NIBAN1: variants seen among roughly 807,000 people sequenced by gnomAD.
NIBAN1 encodes protein Niban 1.
Under a neutral mutation model 75.1 loss-of-function variants are expected in NIBAN1, and 81 were observed. The observed-to-expected ratio is 1.08, with a 90% CI of 0.90 to 1.30. The LOEUF (loss-of-function observed/expected upper bound fraction) is 1.30, where lower values mean the gene tolerates loss of function less well. NIBAN1 is among the 50% of genes most tolerant of loss of function. NIBAN1 has a pLI of 0.00. For missense variants in NIBAN1, 1,133 were observed against 1,128.1 expected, an observed-to-expected ratio of 1.00 and a Z score of -0.06; for synonymous variants, 436 against 424.8, an observed-to-expected ratio of 1.03 and a Z score of -0.32.
chr1:184,954,259 G>A (rs563252585), intron 1 of NIBAN1, among the ~76,000 whole-genome samples: 2 of 152,244 alleles, frequency 1.3e-5, no homozygotes, highest in East Asian at 1.9e-4. Flanking sequence ...TGGAAGCCAA[G>A]AACAGAAAAT....
rs925852510 is a variant in NIBAN1, at chr1:184,794,026, T to C, written c.*951A>G. The C allele has an allele frequency of 6.6e-6, 1 of 152,234 alleles. No individual in the cohort carries two copies. The highest frequency in any genetic ancestry group is 1.9e-4 in the East Asian group (1 of 5,202). The allele number at this position is 152,234 out of a possible 1,614,324, so 9.4% of individuals were successfully genotyped here. On this transcript the variant is annotated 3_prime_UTR_variant, in exon 14 of 14. Transcript: ENST00000367511. ...AGAGAAAAAAAAAAGCTGTCATAGT[T>C]TAAAAATTGGCATATGTTCTCTTCC...
Position 184,818,996 on chromosome 1 carries a change from A to G in NIBAN1, c.986-171T>C, listed in dbSNP as rs539230865. 1.8e-3 allele frequency among the ~76,000 whole-genome samples: 269 copies of G among 152,296 alleles called. 3 individuals are homozygous for G. The highest frequency in any genetic ancestry group is 6.0e-3 in the African/African-American group (251 of 41,570). ...AGCCTGGTGCCCATGGTCACAAGAA[A>G]GGAAAACCACTGGACCCTTTCAGAA... is the stretch of plus-strand genomic sequence containing the variant. On this transcript the variant is annotated intron_variant, in intron 8 of 13. Transcript: ENST00000367511.
At chr1:184,916,697 G>C (rs1657393655) in intron 1 of NIBAN1, among the ~76,000 whole-genome samples, 1 of 151,872 alleles carries the variant, frequency 6.6e-6, no homozygotes, top group Non-Finnish European at 1.5e-5. Flanking sequence ...TTTATAATAA[G>C]ACAAAAATAA....
chr1:184,845,915 C>T lies in NIBAN1; in HGVS notation c.602-13953G>A, dbSNP rs1655430152. The stretch of plus-strand genomic sequence containing the variant: ...CCACCCGAATATTGCGCTTTTCAGA[C>T]CAGCTTAAGAAACGGCGCACCACGA... On this transcript the variant is annotated intron_variant, in intron 5 of 13. Coordinates refer to ENST00000367511, the MANE Select transcript of NIBAN1 (RefSeq NM_052966.4). Among the ~76,000 whole-genome samples, 2 of 82,084 alleles carry T rather than the reference C, an allele frequency of 2.4e-5. 1 individual carries two copies. Among genetic ancestry groups the T allele is most frequent in the African/African-American group, 1.2e-4 (2 of 16,860 alleles). The allele number at this position is 82,084 out of a possible 152,430, so 53.9% of individuals were successfully genotyped here.
chr1:184,867,757 G>T, intron 5 of NIBAN1: 1 of 574,822 alleles, frequency 1.7e-6, no homozygotes, highest in Non-Finnish European at 2.2e-6. Flanking sequence ...TGTTAACTGA[G>T]TGGGATAGCC....
At chr1:184,921,528 A>G (rs1427448736) in intron 1 of NIBAN1, among the ~76,000 whole-genome samples, 1 of 152,216 alleles carries the variant, frequency 6.6e-6, no homozygotes, top group Admixed American at 6.5e-5. Context: ...GTCTTTACAA[A>G]GGGCTGTGCT....
At chr1:184,816,478 C>A (rs111731279) in intron 9 of NIBAN1, among the ~76,000 whole-genome samples, 2 of 152,256 alleles carry the variant, frequency 1.3e-5, no homozygotes, top group African/African-American at 4.8e-5. Flanking sequence ...GAAAACCTGG[C>A]CCAAGAGGGG....
In NIBAN1 at chr1:184,791,772, A is replaced by G. The variant is rs1422672147; in HGVS notation, c.*3205T>C. On this transcript the variant is annotated 3_prime_UTR_variant, in exon 14 of 14. Coordinates refer to ENST00000367511, the MANE Select transcript of NIBAN1 (RefSeq NM_052966.4). ...AAAAATGCTGTTCATTTAGATCAGAATAACCTCGCTCCAATCTGGAAACCA... is the reference window on the plus strand; with the variant it reads ...AAAAATGCTGTTCATTTAGATCAGAGTAACCTCGCTCCAATCTGGAAACCA... The G allele has an allele frequency of 1.3e-5, 2 of 152,222 alleles. No individual in the cohort carries two copies. Among genetic ancestry groups the G allele is most frequent in the Non-Finnish European group, 2.9e-5 (2 of 68,052 alleles). 9.4% of individuals were successfully genotyped at this position (152,222 alleles called of 1,614,324 possible).
At chr1:184,821,030 C>G (rs992862815) in intron 8 of NIBAN1, among the ~76,000 whole-genome samples, 2 of 152,166 alleles carry the variant, frequency 1.3e-5, no homozygotes, top group African/African-American at 4.8e-5. Flanking sequence ...GATCTATGCT[C>G]ACATTGGGAA....
chr1:184,926,468 C>T (rs960592441), intron 1 of NIBAN1, among the ~76,000 whole-genome samples: 2 of 152,282 alleles, frequency 1.3e-5, no homozygotes, highest in Non-Finnish European at 1.5e-5. Flanking sequence ...GAACTCCTGA[C>T]CTCAAGTGAT....
intron 9 of NIBAN1, among the ~76,000 whole-genome samples, chr1:184,818,129 T>A (rs961634401): frequency 1.3e-5 from 2 of 152,228 alleles, no homozygotes; most frequent in Admixed American, 1.3e-4. Context: ...TTAATTTGGC[T>A]GAAGTTTTTT....
intron 9 of NIBAN1, among the ~76,000 whole-genome samples, chr1:184,811,601 T>G (rs1256309690): frequency 6.8e-6 from 1 of 147,568 alleles, no homozygotes; most frequent in Non-Finnish European, 1.5e-5. Flanking sequence ...CCTCCTGGGT[T>G]CATGCCATTC....
At position 184,795,999 on chromosome 1, in the gene NIBAN1, G is replaced by A. The variant is rs746135442; in HGVS notation, c.1765C>T (p.Pro589Ser). The A allele has an allele frequency of 2.5e-6, 4 of 1,613,504 alleles. No homozygotes were observed. The highest frequency in any genetic ancestry group is 2.2e-5 in the South Asian group (2 of 91,076). ...GGGCTGGCCTGGTTTGACCCTGTGG[G>A]GGGCTTTAGATCTGTTAAGCTGGAC... ...SVSSLTDLKP[P>S]TGSNQASPAR... is the part of the protein sequence containing the mutation. The change falls in exon 14 of 14, where the codon CCC (proline) becomes TCC (serine). Residue 589 changes from proline to serine, a missense_variant. By Grantham distance (74) the Pro-to-Ser change is moderately conservative. Transcript: ENST00000367511.
chr1:184,798,059 C>A lies in NIBAN1; in HGVS notation c.1666+20G>T. ...TCCCCTCTATGGAGTGTCCCTGCAG[C>A]ACCAGGTAACCTTTCTTACCTTTCA... On this transcript the variant is annotated intron_variant, in intron 13 of 13. Transcript: ENST00000367511. 6.5e-7 allele frequency: 1 copy of A among 1,532,212 alleles called. No homozygotes were observed. 94.9% of individuals were successfully genotyped at this position (1,532,212 alleles called of 1,614,324 possible). A position where few individuals can be genotyped will look rare whatever the true frequency, so the allele number is the denominator to read the frequency against.
chr1:184,877,641 T>C (rs1325514906), intron 5 of NIBAN1, among the ~76,000 whole-genome samples: 1 of 152,220 alleles, frequency 6.6e-6, no homozygotes, highest in African/African-American at 2.4e-5. Context: ...AGGATATTTA[T>C]ATTTAAAAGA....
chr1:184,867,036 G>A (rs1655974561), intron 5 of NIBAN1, among the ~76,000 whole-genome samples: 2 of 152,060 alleles, frequency 1.3e-5, no homozygotes, highest in South Asian at 2.1e-4. Context: ...TAAATATGAT[G>A]ACTTACATCT....
At chr1:184,951,330 A>T (rs1354494218) in intron 1 of NIBAN1, among the ~76,000 whole-genome samples, 1 of 152,176 alleles carries the variant, frequency 6.6e-6, no homozygotes, top group Non-Finnish European at 1.5e-5. Context: ...AATGACAGTG[A>T]TTATCAGATG....
intron 1 of NIBAN1, among the ~76,000 whole-genome samples, chr1:184,933,553 C>A (rs182876457): frequency 2.2e-3 from 335 of 152,298 alleles, no homozygotes; most frequent in African/African-American, 7.4e-3. Context: ...CATCTTCATA[C>A]ACAAATAAGG....
intron 5 of NIBAN1, among the ~76,000 whole-genome samples, chr1:184,854,857 A>G (rs2102268230): frequency 6.6e-6 from 1 of 152,370 alleles, no homozygotes; most frequent in East Asian, 1.9e-4. Context: ...AACTCAATCC[A>G]TGGAACTATT....
Sources: allele counts gnomAD v4.1 joint callset (sites outside exome capture counted in the v4.1 genomes callset), GRCh38; gene constraint gnomAD v4.1.1; transcripts MANE v1.5; gene names NCBI Gene and HGNC (gene_info 2026-07-23, HGNC 2026-07-21).